The following ANO5 variants were observed in gnomAD, a reference collection of about 807,000 sequenced individuals.
ANO5 encodes the protein anoctamin 5.
A neutral mutation model predicts 121.0 loss-of-function variants in ANO5; 109 were observed. That is an observed-to-expected ratio of 0.90 (90% CI 0.77 to 1.06). ANO5 has a LOEUF of 1.06. Among genes scored for constraint, ANO5 ranks in the 50% least tolerant of loss-of-function variants. ANO5 has a pLI of 0.00. For synonymous variants in ANO5, 406 were observed against 359.9 expected (o/e 1.13, Z -1.45); for missense variants, 1,064 against 1,078.5 (o/e 0.99, Z 0.19).
intron 3 of ANO5, among the ~76,000 whole-genome samples, chr11:22,213,891 T>G (rs79531365): frequency 6.7e-6 from 1 of 148,380 alleles, no homozygotes; most frequent in Non-Finnish European, 1.5e-5. Flanking sequence ...GGTGTTTTGT[T>G]TTTTGTTTTG....
chr11:22,263,039 T>G lies in ANO5; in HGVS notation c.1894T>G (p.Tyr632Asp), dbSNP rs748238790. The part of the protein sequence containing the change: ...QIFGNIKEAI[Y>D]PLALNWWRRR... ...TTTTGGAAACATTAAAGAAGCCATT[T>G]ATCCGTATGTATGACTTACAAGCTT... Residue 632 changes from tyrosine to aspartate, a missense_variant, in exon 17 of 22, where the codon TAT becomes GAT. By Grantham distance (160) the Tyr-to-Asp change is radical (BLOSUM62 -3). Transcript: ENST00000324559. 6.2e-7 allele frequency: 1 copy of G among 1,602,486 alleles called. No individual in the cohort carries two copies. The highest frequency in any genetic ancestry group is 1.3e-5 in the African/African-American group (1 of 74,636).
rs191282065 is a variant in ANO5 at position 22,247,904 on chromosome 11, C to T, written c.879-2333C>T. Among the ~76,000 whole-genome samples, 69 of 151,810 alleles carry T rather than the reference C, an allele frequency of 4.5e-4. No homozygotes were observed. The South Asian group carries it at 8.5e-3, about 19-fold the overall frequency. ...CTTCAGGTAATTTGTTTTTGATATC[C>T]ATATGTTGTATGTTAATGCTTAGAA... On this transcript the variant is annotated intron_variant, in intron 9 of 21. Coordinates refer to ENST00000324559, the MANE Select transcript of ANO5 (RefSeq NM_213599.3).
At chr11:22,221,423 T>G (rs1369941248) in intron 5 of ANO5, among the ~76,000 whole-genome samples, 1 of 152,036 alleles carries the variant, frequency 6.6e-6, no homozygotes, top group Non-Finnish European at 1.5e-5. Context: ...CTAACTTATT[T>G]TTCTTCTTCT....
intron 5 of ANO5, among the ~76,000 whole-genome samples, chr11:22,224,266 T>TCCC (rs993528395): frequency 6.6e-6 from 1 of 151,988 alleles, no homozygotes; most frequent in Non-Finnish European, 1.5e-5. Context: ...TATACATTAA[T>TCCC]CATACAATCC....
chr11:22,263,809 G>A (rs1294112293), intron 17 of ANO5, among the ~76,000 whole-genome samples: 2 of 152,008 alleles, frequency 1.3e-5, no homozygotes, highest in Non-Finnish European at 2.9e-5. Context: ...GCCAGAGACT[G>A]GGTTTATTCT....
intron 9 of ANO5, among the ~76,000 whole-genome samples, chr11:22,248,153 T>C (rs897326835): frequency 2.6e-5 from 4 of 152,098 alleles, no homozygotes; most frequent in Admixed American, 2.6e-4. Flanking sequence ...ATTTACTATG[T>C]CTTCAACTAA....
At chr11:22,224,735 G>C (rs1393937000) in intron 5 of ANO5, among the ~76,000 whole-genome samples, 6 of 152,006 alleles carry the variant, frequency 3.9e-5, no homozygotes, top group African/African-American at 1.4e-4. Flanking sequence ...AAGCCAAAAA[G>C]CTTCTGCACA....
At chr11:22,221,034 T>C (rs1852627436) in intron 4 of ANO5, 63 bp from the exon 5 acceptor site, 1 of 1,183,966 alleles carries the variant, frequency 8.4e-7, no homozygotes, top group Admixed American at 1.8e-5. Flanking sequence ...TAATTCCTTT[T>C]GTGCTTTTGC....
rs560624387 is a variant in ANO5, at chr11:22,227,331, C to G, written c.393C>G (p.Val131=). The G allele has an allele frequency of 4.3e-6, 7 of 1,613,108 alleles. No homozygotes were observed. In the African/African-American group the frequency reaches 8.0e-5, roughly 18 times the overall value. ...RDSEDGRTYF[V]KIHAPWEVLV... The stretch of plus-strand genomic sequence containing the variant: ...CGGAAGATGGAAGAACTTATTTTGT[C>G]AAGATCCATGCCCCTTGGGAGGTAT... Residue 131 remains valine, a synonymous_variant, in exon 7 of 22, where the codon GTC becomes GTG. Coordinates refer to ENST00000324559, the MANE Select transcript of ANO5 (RefSeq NM_213599.3).
chr11:22,265,053 G>A (rs1245551820), intron 17 of ANO5, among the ~76,000 whole-genome samples: 1 of 152,046 alleles, frequency 6.6e-6, no homozygotes, highest in Non-Finnish European at 1.5e-5. Flanking sequence ...ATTCGAATAG[G>A]TAATTGCTGA....
In ANO5 at chr11:22,227,553, A is replaced by C. The variant is rs538420196; in HGVS notation, c.615A>C (p.Ala205=). The change falls in exon 7 of 22, where the codon GCA becomes GCC. Residue 205 remains alanine, a synonymous_variant. Transcript: ENST00000324559. ...AGCTCTTCCTCATCGAAGATCAGGC[A>C]ACCTTCTTTCCATCCTCATCAAGAA... ...RQELFLIEDQ[A]TFFPSSSRNR... is the part of the protein sequence containing the mutation. 2 of 1,613,490 alleles carry C rather than the reference A, an allele frequency of 1.2e-6. No individual in the cohort carries two copies. Among genetic ancestry groups the C allele is most frequent in the Non-Finnish European group, 8.5e-7 (1 of 1,179,692 alleles).
chr11:22,218,103 C>A, intron 3 of ANO5, 143 bp from the exon 4 acceptor site: 2 of 178,618 alleles, frequency 1.1e-5, no homozygotes, highest in Non-Finnish European at 2.2e-5. Flanking sequence ...TTGTATCCTC[C>A]AGTTTGAAAT....
intron 2 of ANO5, among the ~76,000 whole-genome samples, chr11:22,208,268 GGAA>G (rs1186529626): frequency 6.6e-6 from 1 of 151,974 alleles, no homozygotes; most frequent in African/African-American, 2.4e-5. Context: ...AGCCGAAAGT[GGAA>G]ACAACCTAAG....
chr11:22,193,430 C>G lies in ANO5; in HGVS notation c.-63C>G, dbSNP rs1173746995. ...CAGCACCTGCCTCAGATCTCCACGT[C>G]TGTCTCAGCTGCCCCTCTCCTGCTG... On this transcript the variant is annotated 5_prime_UTR_variant, in exon 1 of 22. Transcript: ENST00000324559. The G allele has an allele frequency of 3.7e-5, 58 of 1,574,354 alleles. 1 individual carries two copies. The East Asian group carries it at 1.3e-3, about 37-fold the overall frequency.
intron 4 of ANO5, among the ~76,000 whole-genome samples, chr11:22,219,866 G>T (rs1646124900): frequency 6.7e-6 from 1 of 149,186 alleles, no homozygotes; most frequent in South Asian, 2.1e-4. Flanking sequence ...ACTGTATCTT[G>T]GCACTTAATC....
intron 9 of ANO5, among the ~76,000 whole-genome samples, chr11:22,242,370 AT>A (rs1844346911): frequency 6.6e-6 from 1 of 152,050 alleles, no homozygotes; most frequent in African/African-American, 2.4e-5. Context: ...TGCTTTGGCT[AT>A]TTGGCCATTT....
intron 16 of ANO5, 97 bp downstream of exon 16, chr11:22,262,395 C>T (rs1052520791): frequency 5.3e-5 from 69 of 1,294,580 alleles, no homozygotes; most frequent in Non-Finnish European, 7.2e-5. Context: ...TAAAAAATTA[C>T]AAAATATATC....
intron 7 of ANO5, among the ~76,000 whole-genome samples, chr11:22,234,800 C>G (rs1853160250): frequency 6.6e-6 from 1 of 152,040 alleles, no homozygotes; most frequent in Non-Finnish European, 1.5e-5. Flanking sequence ...CCTCCAAATT[C>G]TTATTCTTCG....
chr11:22,202,506 T>A (rs1851995661), intron 1 of ANO5, among the ~76,000 whole-genome samples: 1 of 152,162 alleles, frequency 6.6e-6, no homozygotes, highest in East Asian at 1.9e-4. Context: ...TATTTTTTAC[T>A]TATAAGAACA....
Sources: gnomAD v4.1 joint callset for allele counts (sites outside exome capture counted in the v4.1 genomes callset) on GRCh38, gnomAD v4.1.1 for gene constraint, MANE v1.5 for transcripts, NCBI Gene and HGNC (gene_info 2026-07-23, HGNC 2026-07-21) for gene names.